Variants in SND1 observed in about 807,000 individuals in gnomAD.
SND1 encodes staphylococcal nuclease and tudor domain containing 1.
In SND1, 38 loss-of-function variants were observed where a neutral mutation model predicts 121.7. That is an observed-to-expected ratio of 0.31 (90% CI 0.24 to 0.41). The LOEUF (loss-of-function observed/expected upper bound fraction) is 0.41, where lower values mean the gene tolerates loss of function less well. Among genes scored for constraint, SND1 ranks in the 10% least tolerant of loss-of-function variants. SND1 has a pLI of 1.00. For synonymous variants in SND1, 401 were observed against 447.4 expected (o/e 0.90, Z 1.31); for missense variants, 868 against 1,184.6 (o/e 0.73, Z 3.92).
chr7:128,016,392 T>C (rs1033900337), intron 16 of SND1, among the ~76,000 whole-genome samples: 1 of 152,202 alleles, frequency 6.6e-6, no homozygotes, highest in East Asian at 1.9e-4. Flanking sequence ...TTAATAATGA[T>C]AAAATACTTT....
chr7:127,929,118 CTAGACTA>C, intron 14 of SND1, 63 bp from the exon 15 acceptor site: 1 of 1,533,826 alleles, frequency 6.5e-7, no homozygotes, highest in Non-Finnish European at 8.9e-7. Context: ...ACTTTTTGTC[CTAGACTA>C]TAAAGAAAGA....
At chr7:127,763,299 C>A (rs561676019) in intron 10 of SND1, among the ~76,000 whole-genome samples, 1 of 152,286 alleles carries the variant, frequency 6.6e-6, no homozygotes, top group African/African-American at 2.4e-5. Flanking sequence ...CATAGTGAGA[C>A]CTGTCTCATA....
intron 1 of SND1, among the ~76,000 whole-genome samples, chr7:127,671,635 C>A (rs11976841): frequency 0.33 from 49,779 of 152,056 alleles, 9,064 homozygotes; most frequent in Admixed American, 0.42. Context: ...CTCAGCCTCC[C>A]GAGTAGCTGA....
chr7:127,882,595 A>T (rs1584639080), intron 12 of SND1, among the ~76,000 whole-genome samples: 1 of 152,050 alleles, frequency 6.6e-6, no homozygotes, highest in East Asian at 1.9e-4. Flanking sequence ...CCTCTCAATT[A>T]TCTGGGACTT....
intron 16 of SND1, among the ~76,000 whole-genome samples, chr7:128,063,636 C>A (rs762709999): frequency 1.3e-4 from 20 of 152,176 alleles, no homozygotes; most frequent in Non-Finnish European, 2.4e-4. Context: ...GAATGCCTAC[C>A]AGGTGCCATT....
intron 12 of SND1, among the ~76,000 whole-genome samples, chr7:127,878,311 A>G (rs1268637543): frequency 1.3e-5 from 2 of 152,170 alleles, no homozygotes; most frequent in Admixed American, 6.5e-5. Context: ...TTAAATATGA[A>G]CTAAAACTTA....
chr7:127,960,476 AAAGC>A (rs781354073), intron 15 of SND1, among the ~76,000 whole-genome samples: 1 of 152,218 alleles, frequency 6.6e-6, no homozygotes, highest in Non-Finnish European at 1.5e-5. Flanking sequence ...CTGGTAGAAG[AAAGC>A]AAGCATTGAA....
intron 15 of SND1, among the ~76,000 whole-genome samples, chr7:127,961,946 T>A (rs1265557716): frequency 1.3e-5 from 2 of 152,226 alleles, no homozygotes; most frequent in Non-Finnish European, 2.9e-5. Context: ...TTGGCCTGAA[T>A]GCTCTCAGCA....
At chr7:127,787,758 A>T (rs901057472) in intron 10 of SND1, among the ~76,000 whole-genome samples, 7 of 152,080 alleles carry the variant, frequency 4.6e-5, no homozygotes, top group African/African-American at 7.2e-5. Flanking sequence ...ACAACTGTAG[A>T]TTTATTATCT....
rs140644313 is a variant in SND1, at chr7:128,078,236, T to C, written c.1969-3124T>C. Among the ~76,000 whole-genome samples the C allele has an allele frequency of 2.2e-4, 34 of 152,354 alleles. No homozygotes were observed. In the East Asian group the frequency reaches 5.4e-3, roughly 24 times the overall value. The stretch of plus-strand genomic sequence containing the variant: ...ACCTGGCCAGCCTGCATGGACCAGC[T>C]TGCCCATGTGGCTGCAAGTCCCAAG... On this transcript the variant is annotated intron_variant, in intron 17 of 23. Transcript: ENST00000354725.
intron 1 of SND1, chr7:127,679,356 C>T (rs1795669334): frequency 6.6e-6 from 1 of 152,148 alleles, no homozygotes; most frequent in Non-Finnish European, 1.5e-5. Flanking sequence ...TCTAATCTTC[C>T]TGCAAGAATA....
intron 9 of SND1, among the ~76,000 whole-genome samples, chr7:127,710,783 A>G (rs1041187867): frequency 5.9e-5 from 9 of 152,168 alleles, no homozygotes; most frequent in African/African-American, 2.2e-4. Context: ...ACCATGGAAG[A>G]GGAGGACTTA....
At chr7:128,057,054 G>A (rs149814006) in intron 16 of SND1, among the ~76,000 whole-genome samples, 211 of 152,268 alleles carry the variant, frequency 1.4e-3, no homozygotes, top group African/African-American at 3.6e-3. Context: ...CCAGGCAGGA[G>A]GGCAAGAGGT....
chr7:127,866,364 G>C (rs540188344), intron 12 of SND1, among the ~76,000 whole-genome samples: 1 of 152,300 alleles, frequency 6.6e-6, no homozygotes, highest in Non-Finnish European at 1.5e-5. Context: ...ATAGCATTTT[G>C]GATTGGGAAA....
At position 128,081,421 on chromosome 7, in the gene SND1, A is replaced by G; in HGVS notation, c.2030A>G (p.Glu677Gly). The G allele has an allele frequency of 6.2e-7, 1 of 1,614,176 alleles. No individual in the cohort carries two copies. Among genetic ancestry groups the G allele is most frequent in the Non-Finnish European group, 8.5e-7 (1 of 1,180,022 alleles). The change falls in exon 18 of 24, where the codon GAG becomes GGG. Residue 677 changes from glutamate (E) to glycine (G), a missense_variant. By Grantham distance (98) the Glu-to-Gly change is moderately conservative. Around this residue, in one of 2 missense-constraint regions of SND1, gnomAD observed 743 missense variants for 1,071.3 expected, o/e 0.69. Coordinates refer to ENST00000354725, the MANE Select transcript of SND1 (RefSeq NM_014390.4). ...GTGATGCCAGTGCTGGAGGAGAAGG[A>G]GCGATCTGCTAGCTACAAGCCCGTG... The part of the protein sequence containing the change: ...EEVMPVLEEK[E>G]RSASYKPVFV...
chr7:128,041,476 CA>C (rs1311287631), intron 16 of SND1, among the ~76,000 whole-genome samples: 1 of 152,130 alleles, frequency 6.6e-6, no homozygotes, highest in Non-Finnish European at 1.5e-5. Context: ...TTAGATCTAT[CA>C]AGCCTCCAAT....
intron 10 of SND1, among the ~76,000 whole-genome samples, chr7:127,743,691 G>A (rs1183499068): frequency 2.0e-5 from 3 of 152,192 alleles, no homozygotes; most frequent in Non-Finnish European, 2.9e-5. Context: ...TTAGGAGGAA[G>A]TTCATGGTTT....
intron 19 of SND1, 120 bp downstream of exon 19, chr7:128,084,967 C>G (rs1446866662): frequency 9.6e-7 from 1 of 1,040,648 alleles, no homozygotes. Context: ...TGGCCCCTAG[C>G]AGCTCTCCTG....
At chr7:128,011,665 T>G (rs1430679484) in intron 16 of SND1, among the ~76,000 whole-genome samples, 1 of 152,204 alleles carries the variant, frequency 6.6e-6, no homozygotes, top group African/African-American at 2.4e-5. Context: ...GATTCTGGCT[T>G]CATCAAGCAC....
Sources: allele counts gnomAD v4.1 joint callset (sites outside exome capture counted in the v4.1 genomes callset), GRCh38; gene constraint gnomAD v4.1.1; regional missense constraint gnomAD v4.1.1; transcripts MANE v1.5; gene names NCBI Gene and HGNC (gene_info 2026-07-23, HGNC 2026-07-21).